The following CNBD1 variants were observed in gnomAD, a reference collection of about 807,000 sequenced individuals.
CNBD1 encodes the protein cyclic nucleotide binding domain containing 1.
Under a neutral mutation model 54.4 loss-of-function variants are expected in CNBD1, and 71 were observed. That is an observed-to-expected ratio of 1.30 (90% confidence interval 1.08 to 1.59). The LOEUF is 1.59. Ranked by LOEUF, CNBD1 falls within the 40% of genes most tolerant of loss-of-function variation. The pLI is 0.00. For missense variants in CNBD1, 659 were observed against 518.0 expected (o/e 1.27, Z -2.64); for synonymous variants, 182 against 170.7 (o/e 1.07, Z -0.51).
rs368022302 is a variant in CNBD1, at chr8:87,391,659, C to A, written c.214-36887C>A. On this transcript the variant is annotated intron_variant, in intron 2 of 7. Transcript: ENST00000521593. ...GGATAATAGAAGACTGAAGTTGGAT[C>A]CACACTTTGCACAAAAATTGACTCT... is the stretch of plus-strand genomic sequence containing the variant. Among the ~76,000 whole-genome samples the A allele has an allele frequency of 4.6e-5, 7 of 152,030 alleles. No homozygotes were observed. The East Asian group carries it at 1.4e-3, about 29-fold the overall frequency.
At chr8:86,873,714 T>G (rs2131769735) in intron 1 of CNBD1, among the ~76,000 whole-genome samples, 1 of 152,248 alleles carries the variant, frequency 6.6e-6, no homozygotes, top group Non-Finnish European at 1.5e-5. Context: ...AATTTATTCC[T>G]GGGTATTTTA....
intron 4 of CNBD1, among the ~76,000 whole-genome samples, chr8:87,053,361 A>T (rs1349145863): frequency 1.3e-5 from 2 of 152,192 alleles, no homozygotes; most frequent in Non-Finnish European, 2.9e-5. Flanking sequence ...AATATGAGCC[A>T]CTTTTTCTTC....
intron 4 of CNBD1, among the ~76,000 whole-genome samples, chr8:87,179,483 T>C (rs1486418019): frequency 1.3e-5 from 2 of 152,148 alleles, no homozygotes; most frequent in Non-Finnish European, 2.9e-5. Flanking sequence ...AAGGAAAACA[T>C]GGTTAAATGC....
At chr8:87,188,957 A>G (rs1004083780) in intron 4 of CNBD1, among the ~76,000 whole-genome samples, 1 of 152,052 alleles carries the variant, frequency 6.6e-6, no homozygotes, top group African/African-American at 2.4e-5. Flanking sequence ...TATATGAAGA[A>G]TAATTAAGAT....
intron 4 of CNBD1, among the ~76,000 whole-genome samples, chr8:87,177,622 CT>C (rs1813226886): frequency 6.6e-6 from 1 of 152,076 alleles, no homozygotes; most frequent in African/African-American, 2.4e-5. Flanking sequence ...CTTATAAATT[CT>C]TTTTCACACA....
intron 6 of CNBD1, among the ~76,000 whole-genome samples, chr8:87,251,759 C>T (rs974702365): frequency 1.3e-5 from 2 of 152,058 alleles, no homozygotes; most frequent in African/African-American, 4.8e-5. Context: ...TTTAGGGCCA[C>T]AATGGGCAAT....
At chr8:87,359,886 A>T (rs1430560560) in intron 10 of CNBD1, among the ~76,000 whole-genome samples, 3 of 152,088 alleles carry the variant, frequency 2.0e-5, no homozygotes, top group Non-Finnish European at 4.4e-5. Flanking sequence ...AAACAAAAAT[A>T]AATAAAATAA....
At chr8:87,151,298 A>G (rs923207779) in intron 4 of CNBD1, among the ~76,000 whole-genome samples, 2 of 152,192 alleles carry the variant, frequency 1.3e-5, no homozygotes, top group East Asian at 3.8e-4. Context: ...ACAATCTACC[A>G]GATACTGTTC....
At chr8:87,128,434 G>A (rs188634157) in intron 4 of CNBD1, among the ~76,000 whole-genome samples, 17 of 152,298 alleles carry the variant, frequency 1.1e-4, no homozygotes, top group Admixed American at 1.1e-3. Flanking sequence ...AGGGCATGGT[G>A]GCTGAACAGA....
chr8:86,887,689 T>C (rs571784005), intron 2 of CNBD1, 78 bp downstream of exon 2: 2 of 1,010,750 alleles, frequency 2.0e-6, no homozygotes, highest in Non-Finnish European at 3.0e-6. Context: ...AGTATAGTAA[T>C]AAACCATTGC....
At chr8:87,021,613 C>T (rs369627049) in intron 4 of CNBD1, among the ~76,000 whole-genome samples, 6 of 152,170 alleles carry the variant, frequency 3.9e-5, no homozygotes, top group African/African-American at 1.4e-4. Flanking sequence ...TTCACAATAC[C>T]TGGAGACACT....
chr8:87,383,981 G>T (rs1195959328), downstream of CNBD1, among the ~76,000 whole-genome samples: 2 of 152,050 alleles, frequency 1.3e-5, no homozygotes, highest in Non-Finnish European at 2.9e-5. Flanking sequence ...GACTGGTAAT[G>T]ATTACAAGAC....
intron 4 of CNBD1, among the ~76,000 whole-genome samples, chr8:87,205,573 C>T (rs1813955043): frequency 6.6e-6 from 1 of 152,046 alleles, no homozygotes. Context: ...TTTGATCTAA[C>T]TTTAATAGTA....
At chr8:86,955,055 T>G (rs1419994794) in intron 4 of CNBD1, among the ~76,000 whole-genome samples, 2 of 148,752 alleles carry the variant, frequency 1.3e-5, no homozygotes, top group East Asian at 4.2e-4. Context: ...CATTGTTCAT[T>G]TCCCACCGAT....
intron 4 of CNBD1, among the ~76,000 whole-genome samples, chr8:87,152,317 T>C (rs1812621206): frequency 6.6e-6 from 1 of 152,032 alleles, no homozygotes; most frequent in Admixed American, 6.6e-5. Context: ...AACCAATATT[T>C]CATTTAACTC....
At position 87,425,577 on chromosome 8, in the gene CNBD1, A is replaced by T. The variant is rs572612725; in HGVS notation, c.214-2969A>T. Reference sequence around the variant, plus strand: ...CTGCAGGTCTGTTGGAGTACCCTGCAGTGTGAGGTGTCAGTGTGCCCCTGC... The same window carrying T: ...CTGCAGGTCTGTTGGAGTACCCTGCTGTGTGAGGTGTCAGTGTGCCCCTGC... On this transcript the variant is annotated intron_variant, in intron 2 of 7. Transcript: ENST00000521593. 5.3e-5 allele frequency among the ~76,000 whole-genome samples: 8 copies of T among 152,080 alleles called. No homozygotes were observed. In the South Asian group the frequency reaches 1.0e-3, roughly 20 times the overall value.
intron 4 of CNBD1, among the ~76,000 whole-genome samples, chr8:87,074,061 A>G (rs1466682092): frequency 6.7e-6 from 1 of 149,862 alleles, no homozygotes; most frequent in Non-Finnish European, 1.5e-5. Context: ...AGATCGCGCC[A>G]CTGCACTCCA....
At chr8:87,426,189 C>A (rs144648128) in intron 2 of CNBD1, among the ~76,000 whole-genome samples, 1 of 152,144 alleles carries the variant, frequency 6.6e-6, no homozygotes, top group Non-Finnish European at 1.5e-5. Flanking sequence ...GCGCACGGTG[C>A]GCGCACCCAC....
chr8:87,324,105 T>G lies in CNBD1; in HGVS notation c.1043-27580T>G, dbSNP rs1375027137. Among the ~76,000 whole-genome samples the G allele has an allele frequency of 5.6e-5, 7 of 124,362 alleles. 2 individuals are homozygous for G. Among genetic ancestry groups the G allele is most frequent in the Non-Finnish European group, 1.1e-4 (6 of 55,684 alleles). 81.6% of individuals were successfully genotyped at this position (124,362 alleles called of 152,430 possible). On this transcript the variant is annotated intron_variant, in intron 8 of 10. Transcript: ENST00000518476. ...GCTCTTTTTATATGCTGGATTACAT[T>G]TATTGATTTGCCTATATTGAACCAG...
Sources: allele counts gnomAD v4.1 joint callset (sites outside exome capture counted in the v4.1 genomes callset), GRCh38; gene constraint gnomAD v4.1.1; transcripts MANE v1.5; gene names NCBI Gene and HGNC (gene_info 2026-07-23, HGNC 2026-07-21).